Variants in PCDHGA8 observed in about 807,000 individuals in gnomAD.
PCDHGA8 encodes protocadherin gamma subfamily A, 8, also known as protocadherin gamma-A8.
In PCDHGA8, 45 loss-of-function variants were observed where a neutral mutation model predicts 59.2. That is an observed-to-expected ratio of 0.76 (90% CI 0.60 to 0.98). The LOEUF is 0.98. Ranked by LOEUF, PCDHGA8 falls within the 50% of genes least tolerant of loss-of-function variation. PCDHGA8 has a pLI of 0.00. For missense variants in PCDHGA8, 1,257 were observed against 1,196.2 expected, an observed-to-expected ratio of 1.05 and a Z score of -0.75; for synonymous variants, 531 against 519.0, an observed-to-expected ratio of 1.02 and a Z score of -0.32.
At chr5:141,410,487 A>G in intron 1 of PCDHGA8, 1 of 1,613,970 alleles carries the variant, frequency 6.2e-7, no homozygotes, top group Non-Finnish European at 8.5e-7. Context: ...ACGGGTACAA[A>G]AGAGTTTAAT....
chr5:141,407,406 C>T (rs971404616), intron 1 of PCDHGA8, among the ~76,000 whole-genome samples: 2 of 152,090 alleles, frequency 1.3e-5, no homozygotes, highest in East Asian at 3.8e-4. Flanking sequence ...AGTTACTATT[C>T]GATACCACAA....
At chr5:141,411,880 A>G (rs1030232942) in intron 1 of PCDHGA8, 2 of 152,240 alleles carry the variant, frequency 1.3e-5, no homozygotes, top group African/African-American at 4.8e-5. Flanking sequence ...GACATTTCTA[A>G]GAAATAAATG....
At chr5:141,420,733 A>T (rs989644819) in intron 1 of PCDHGA8, among the ~76,000 whole-genome samples, 1 of 152,250 alleles carries the variant, frequency 6.6e-6, no homozygotes, top group African/African-American at 2.4e-5. Flanking sequence ...GTCGGTTAAA[A>T]TCAATTGGAA....
At chr5:141,502,880 T>TTTTTTTTTTG (rs2099816747) in intron 2 of PCDHGA8, among the ~76,000 whole-genome samples, 1 of 151,000 alleles carries the variant, frequency 6.6e-6, no homozygotes, top group African/African-American at 2.4e-5. Context: ...TTTTTTTTTT[T>TTTTTTTTTTG]GACAGGGAGT....
chr5:141,466,928 T>TTAG (rs1231908662), intron 1 of PCDHGA8, among the ~76,000 whole-genome samples: 1 of 152,220 alleles, frequency 6.6e-6, no homozygotes, highest in Non-Finnish European at 1.5e-5. Context: ...ATTAGGAATA[T>TTAG]TAGTCCTTTG....
intron 1 of PCDHGA8, among the ~76,000 whole-genome samples, chr5:141,406,975 C>A (rs1434644612): frequency 6.6e-6 from 1 of 152,108 alleles, no homozygotes; most frequent in African/African-American, 2.4e-5. Flanking sequence ...TAGTAAATAA[C>A]ATTTCACAAG....
intron 1 of PCDHGA8, chr5:141,408,156 T>C: frequency 6.6e-7 from 1 of 1,512,436 alleles, no homozygotes; most frequent in Non-Finnish European, 8.9e-7. Context: ...TAGAGTGCAC[T>C]TTCTCCAACT....
Position 141,451,083 on chromosome 5 carries a change from C to T in PCDHGA8, c.2425-43724C>T, listed in dbSNP as rs192869194. On this transcript the variant is annotated intron_variant, in intron 1 of 3. Coordinates refer to ENST00000398604, the MANE Select transcript of PCDHGA8 (RefSeq NM_032088.2). The stretch of plus-strand genomic sequence containing the variant: ...GACCTTGTGATCCACCCACCTTGAC[C>T]TCCCAAAGTGTTGGGATTACAGGCG... 4.9e-4 allele frequency among the ~76,000 whole-genome samples: 75 copies of T among 152,174 alleles called. 3 individuals carry two copies. In the East Asian group the frequency reaches 0.014, roughly 29 times the overall value.
rs776543767 is a variant in PCDHGA8 at position 141,432,028 on chromosome 5, C to G, written c.2424+36791C>G. The G allele has an allele frequency of 6.2e-7, 1 of 1,614,168 alleles. No homozygotes were observed. The highest frequency in any genetic ancestry group is 2.2e-5 in the East Asian group (1 of 44,882). On this transcript the variant is annotated intron_variant, in intron 1 of 3. Transcript: ENST00000398604. This position sits in a 1 kb window ranked among gnomAD's most constrained non-coding sequence, Gnocchi z 6.0. ...TTCCTAGCTACAACATCACAGTGAC[C>G]GCCACTGACCGGGGAACCCCGCCCC...
At chr5:141,395,807 A>G (rs1561656089) in intron 1 of PCDHGA8, 1 of 152,004 alleles carries the variant, frequency 6.6e-6, no homozygotes, top group Non-Finnish European at 1.5e-5. Context: ...ATCCTTCAAA[A>G]CATGAACAAA....
At chr5:141,494,708 C>T (rs1481947557) in intron 1 of PCDHGA8, 99 bp from the exon 2 acceptor site, 2 of 1,599,566 alleles carry the variant, frequency 1.3e-6, no homozygotes, top group Non-Finnish European at 1.7e-6. Flanking sequence ...CTTCTCTGTG[C>T]CCACTCCCCT....
In PCDHGA8 at chr5:141,476,034, C is replaced by G. The variant is rs934044974; in HGVS notation, c.2425-18773C>G. On this transcript the variant is annotated intron_variant, in intron 1 of 3. Transcript: ENST00000398604. This position sits in a 1 kb window ranked among gnomAD's most constrained non-coding sequence, Gnocchi z 7.6. ...CCATGTCGGACTCGGCGCCCAGCGC[C>G]CAAGCGCTAACCCGCTGAAAGTTTC... The G allele has an allele frequency of 2.0e-6, 3 of 1,464,488 alleles. No homozygotes were observed. Among genetic ancestry groups the G allele is most frequent in the Non-Finnish European group, 2.7e-6 (3 of 1,100,656 alleles). 90.7% of individuals were successfully genotyped at this position (1,464,488 alleles called of 1,614,324 possible). A position where few individuals can be genotyped will look rare whatever the true frequency, so the allele number is the denominator to read the frequency against.
In PCDHGA8 at chr5:141,431,538, AGCTGCTTGTAGTCAAC is replaced by A; in HGVS notation, c.2424+36305_2424+36320del. 2 of 1,614,114 alleles carry A rather than the reference AGCTGCTTGTAGTCAAC, an allele frequency of 1.2e-6. No homozygotes were observed. Among genetic ancestry groups the A allele is most frequent in the Non-Finnish European group, 1.7e-6 (2 of 1,180,024 alleles). ...CCGGAGAATCTGGCCTTGGGCACGC[AGCTGCTTGTAGTCAAC>A]GCTACCGACCCTGACGAAGGAGTCA... On this transcript the variant is annotated intron_variant, in intron 1 of 3. Coordinates refer to ENST00000398604, the MANE Select transcript of PCDHGA8 (RefSeq NM_032088.2). This position sits in a 1 kb window ranked among gnomAD's most constrained non-coding sequence, Gnocchi z 4.8.
chr5:141,505,592 A>T, intron 3 of PCDHGA8, 111 bp downstream of exon 3: 2 of 1,567,266 alleles, frequency 1.3e-6, no homozygotes, highest in Admixed American at 3.6e-5. Flanking sequence ...GTTTCTCCAG[A>T]TCTTTCGGCA....
chr5:141,510,840 A>C (rs2099882997), intron 3 of PCDHGA8, 107 bp from the exon 4 acceptor site: 1 of 1,588,450 alleles, frequency 6.3e-7, no homozygotes, highest in Non-Finnish European at 8.6e-7. Context: ...CAGCGTGGTC[A>C]AGGCCCAGGG....
rs562192762 is a variant in PCDHGA8, at chr5:141,485,718, T to C, written c.2425-9089T>C. 1 of 1,614,058 alleles carries C rather than the reference T, an allele frequency of 6.2e-7. No homozygotes were observed. The highest frequency in any genetic ancestry group is 2.2e-5 in the East Asian group (1 of 44,866). On this transcript the variant is annotated intron_variant, in intron 1 of 3. Coordinates refer to ENST00000398604, the MANE Select transcript of PCDHGA8 (RefSeq NM_032088.2). This position sits in a 1 kb window ranked among gnomAD's most constrained non-coding sequence, Gnocchi z 5.7. ...TCCAATGAACACTTTGCACTGGATG[T>C]GAAGAAGCGCAGCGACGGCAGCCTG...
At chr5:141,453,608 C>T (rs1015022396) in intron 1 of PCDHGA8, among the ~76,000 whole-genome samples, 6 of 152,068 alleles carry the variant, frequency 3.9e-5, no homozygotes, top group South Asian at 2.1e-4. Context: ...TTTTGCAAAA[C>T]GCAAAAACAA....
At chr5:141,404,703 C>T (rs545479443) in intron 1 of PCDHGA8, 3 of 1,614,124 alleles carry the variant, frequency 1.9e-6, no homozygotes, top group African/African-American at 2.7e-5. Flanking sequence ...TCTGCAGAGC[C>T]TGGCTACCTG....
rs376527354 is a variant in PCDHGA8, at chr5:141,439,129, G to A, written c.2424+43892G>A. Among the ~76,000 whole-genome samples the A allele has an allele frequency of 7.3e-5, 11 of 151,064 alleles. No individual in the cohort carries two copies. The South Asian group carries it at 2.3e-3, about 32-fold the overall frequency. The stretch of plus-strand genomic sequence containing the variant: ...AATCACTTGAACCCGGGAGACAGAG[G>A]TTGCAGTGAGCTGAGATCACGCCAC... On this transcript the variant is annotated intron_variant, in intron 1 of 3. Coordinates refer to ENST00000398604, the MANE Select transcript of PCDHGA8 (RefSeq NM_032088.2).
Sources: gnomAD v4.1 joint callset for allele counts (sites outside exome capture counted in the v4.1 genomes callset) on GRCh38, gnomAD v4.1.1 for gene constraint, Gnocchi (gnomAD v3.1) non-coding constraint, MANE v1.5 for transcripts, NCBI Gene and HGNC (gene_info 2026-07-23, HGNC 2026-07-21) for gene names.